Variants in XPO5 observed in about 807,000 individuals in gnomAD.
XPO5 encodes exportin 5.
Under a neutral mutation model 160.6 loss-of-function variants are expected in XPO5, and 46 were observed. The observed-to-expected ratio is 0.29, with a 90% CI of 0.23 to 0.37. The LOEUF (loss-of-function observed/expected upper bound fraction) is 0.37. Ranked by LOEUF, XPO5 falls within the 10% of genes least tolerant of loss-of-function variation. XPO5 has a pLI of 1.00. For missense variants in XPO5, 1,090 were observed against 1,463.9 expected (o/e 0.74, Z 4.17); for synonymous variants, 537 against 519.3 (o/e 1.03, Z -0.46).
chr6:43,530,606 C>T, intron 23 of XPO5, 82 bp downstream of exon 23: 2 of 1,495,584 alleles, frequency 1.3e-6, no homozygotes, highest in Non-Finnish European at 1.8e-6. Context: ...TCTGCCTCTT[C>T]CCTCTGGTTG....
chr6:43,553,758 T>C (rs897997797), intron 13 of XPO5: 2 of 538,276 alleles, frequency 3.7e-6, no homozygotes, highest in African/African-American at 1.9e-5. Context: ...AATTCACCTC[T>C]ATGAGCCTTG....
intron 20 of XPO5, among the ~76,000 whole-genome samples, chr6:43,543,810 G>A (rs1032901936): frequency 4.6e-5 from 7 of 151,940 alleles, no homozygotes; most frequent in Admixed American, 4.6e-4. Context: ...CCGAGTAGCT[G>A]GGATTACAGG....
intron 1 of XPO5, among the ~76,000 whole-genome samples, chr6:43,575,479 A>G (rs938851562): frequency 1.3e-5 from 2 of 152,228 alleles, no homozygotes; most frequent in African/African-American, 2.4e-5. Context: ...AAGAGTGCAC[A>G]GAAGCGAGGA....
chr6:43,530,667 T>C (rs111861061), intron 23 of XPO5, 21 bp downstream of exon 23: 3 of 1,610,684 alleles, frequency 1.9e-6, no homozygotes, highest in African/African-American at 2.7e-5. Context: ...TTGGGTTATG[T>C]AGAGACTTTT....
intron 20 of XPO5, among the ~76,000 whole-genome samples, chr6:43,542,905 C>T (rs1040364594): frequency 7.2e-5 from 11 of 152,096 alleles, no homozygotes; most frequent in East Asian, 1.9e-4. Flanking sequence ...GTTCACAAAA[C>T]GTATTTGACA....
chr6:43,546,542 A>T lies in XPO5; in HGVS notation c.2342+29T>A, dbSNP rs752684421. 240 of 1,582,324 alleles carry T rather than the reference A, an allele frequency of 1.5e-4. 1 individual carries two copies. The highest frequency in any genetic ancestry group is 3.4e-4 in the Middle Eastern group (2 of 5,894). The stretch of plus-strand genomic sequence containing the variant: ...AAATTTTTAAGGTAAAGTAGAAAAC[A>T]ACAGAGAAAAGCCATTATTCTGACT... On this transcript the variant is annotated intron_variant, in intron 20 of 31. Coordinates refer to ENST00000265351, the MANE Select transcript of XPO5 (RefSeq NM_020750.3).
chr6:43,574,213 G>C (rs1763168333), intron 1 of XPO5, among the ~76,000 whole-genome samples: 1 of 151,932 alleles, frequency 6.6e-6, no homozygotes, highest in African/African-American at 2.4e-5. Flanking sequence ...AGTGGTAGGA[G>C]AATCACTTGA....
chr6:43,538,313 T>A (rs975084071), intron 20 of XPO5, among the ~76,000 whole-genome samples: 1 of 151,760 alleles, frequency 6.6e-6, no homozygotes, highest in African/African-American at 2.4e-5. Context: ...CCACACCTGG[T>A]TACTTTTTTA....
At chr6:43,534,735 C>T (rs561447650) in intron 20 of XPO5, among the ~76,000 whole-genome samples, 2 of 152,248 alleles carry the variant, frequency 1.3e-5, no homozygotes, top group Admixed American at 6.5e-5. Flanking sequence ...CGGTGGCTCA[C>T]GCCTATAATC....
intron 20 of XPO5, among the ~76,000 whole-genome samples, chr6:43,542,508 C>G (rs538058005): frequency 6.6e-6 from 1 of 152,208 alleles, no homozygotes; most frequent in African/African-American, 2.4e-5. Flanking sequence ...CTCCCAAGTT[C>G]AAGCGATTCT....
Position 43,560,930 on chromosome 6 carries a change from T to C in XPO5, c.1089A>G (p.Pro363=), listed in dbSNP as rs773736729. 8.1e-6 allele frequency: 13 copies of C among 1,613,678 alleles called. No individual in the cohort carries two copies. In the South Asian group the frequency reaches 1.4e-4, roughly 18 times the overall value. ...TTACCTGTATAAAGTTTACCTGACT[T>C]GGATGGGTTGTGAAAGCAAGAAAAG... The part of the protein sequence containing the change: ...LESFLAFTTH[P]SQFLRSSTQM... The change falls in exon 10 of 32, where the codon CCA becomes CCG. Residue 363 remains proline (P), a synonymous_variant. Coordinates refer to ENST00000265351, the MANE Select transcript of XPO5 (RefSeq NM_020750.3).
chr6:43,558,700 G>A lies in XPO5; in HGVS notation c.1222-109C>T, dbSNP rs184699088. ...TAATTTATTTAAGAGTTAAGCGTTT[G>A]CATGAGATATTGTATGGTAAATATC... On this transcript the variant is annotated intron_variant, in intron 11 of 31. Transcript: ENST00000265351. 1.7e-4 allele frequency: 137 copies of A among 783,478 alleles called. No individual in the cohort carries two copies. In the East Asian group the frequency reaches 3.2e-3, roughly 18 times the overall value. The allele number at this position is 783,478 out of a possible 1,614,324, so 48.5% of individuals were successfully genotyped here. A position where few individuals can be genotyped will look rare whatever the true frequency, so the allele number is the denominator to read the frequency against.
At chr6:43,527,879 C>A in intron 25 of XPO5, 148 bp from the exon 26 acceptor site, 1 of 771,962 alleles carries the variant, frequency 1.3e-6, no homozygotes, top group Non-Finnish European at 2.1e-6. Flanking sequence ...AGCAGTGATC[C>A]ACTGAAGGAC....
rs139846591 is a variant in XPO5 at position 43,557,685 on chromosome 6, G to A, written c.1312+816C>T. On this transcript the variant is annotated intron_variant, in intron 12 of 31. Coordinates refer to ENST00000265351, the MANE Select transcript of XPO5 (RefSeq NM_020750.3). ...AATATAATCTAAAATTGATTGTGGTGATGGCTGCACAACTCTGTAAAAATA... is the reference window on the plus strand; with the variant it reads ...AATATAATCTAAAATTGATTGTGGTAATGGCTGCACAACTCTGTAAAAATA... Among the ~76,000 whole-genome samples, 176 of 148,978 alleles carry A rather than the reference G, an allele frequency of 1.2e-3. No individual in the cohort carries two copies. In the South Asian group the frequency reaches 0.015, roughly 13 times the overall value.
chr6:43,535,577 G>A (rs1243961185), intron 20 of XPO5, among the ~76,000 whole-genome samples: 3 of 152,214 alleles, frequency 2.0e-5, no homozygotes, highest in Admixed American at 6.5e-5. Context: ...TCTAGAGGCC[G>A]GGCGCGGTGG....
chr6:43,556,926 G>C (rs1762121133), intron 12 of XPO5, among the ~76,000 whole-genome samples: 1 of 151,828 alleles, frequency 6.6e-6, no homozygotes. Flanking sequence ...TCGGGAGTTC[G>C]AGACCAGCCT....
Position 43,524,896 on chromosome 6 carries a change from G to C in XPO5, c.3247C>G (p.His1083Asp). 6.2e-7 allele frequency: 1 copy of C among 1,614,002 alleles called. No homozygotes were observed. The highest frequency in any genetic ancestry group is 8.5e-7 in the Non-Finnish European group (1 of 1,179,902). ...GCCATGCACCCGTCGTGCTGCCCGT[G>C]CATCTGTAAGCCTTTCAGCACACTG... is the stretch of plus-strand genomic sequence containing the variant. ...FTSVLKGLQM[H>D]GQHDGCMASL... Residue 1083 changes from histidine (H) to aspartate (D), a missense_variant, in exon 30 of 32, where the codon CAC (histidine) becomes GAC (aspartate). By Grantham distance (81) the His-to-Asp change is moderately conservative. Transcript: ENST00000265351.
At position 43,523,059 on chromosome 6, in the gene XPO5, C is replaced by G. The variant is rs1276045145; in HGVS notation, c.*809G>C. On this transcript the variant is annotated 3_prime_UTR_variant, in exon 32 of 32. Coordinates refer to ENST00000265351, the MANE Select transcript of XPO5 (RefSeq NM_020750.3). ...TGTAGCCTAGTTGGTCTGTATTATC[C>G]TTGGATGACAACGGTGTCATGTGAC... 3.1e-5 allele frequency: 5 copies of G among 163,164 alleles called. No individual in the cohort carries two copies. The highest frequency in any genetic ancestry group is 1.8e-4 in the Admixed American group (3 of 16,978). 10.1% of individuals were successfully genotyped at this position (163,164 alleles called of 1,614,324 possible). A position where few individuals can be genotyped will look rare whatever the true frequency, so the allele number is the denominator to read the frequency against.
intron 1 of XPO5, 35 bp from the exon 2 acceptor site, chr6:43,573,636 G>A: frequency 6.3e-7 from 1 of 1,595,512 alleles, no homozygotes; most frequent in Non-Finnish European, 8.5e-7. Context: ...CCTTTCGAGG[G>A]CTGAGAGAAT....
Sources: allele counts gnomAD v4.1 joint callset (sites outside exome capture counted in the v4.1 genomes callset), GRCh38; gene constraint gnomAD v4.1.1; transcripts MANE v1.5; gene names NCBI Gene and HGNC (gene_info 2026-07-23, HGNC 2026-07-21).